The following ELOVL7 variants were observed in gnomAD, a reference collection of about 807,000 sequenced individuals.
The protein encoded by ELOVL7 is very long chain fatty acid elongase 7.
A neutral mutation model predicts 35.7 loss-of-function variants in ELOVL7; 27 were observed. That is an observed-to-expected ratio of 0.76 (90% CI 0.56 to 1.04). The LOEUF (loss-of-function observed/expected upper bound fraction) is 1.04, where lower values mean the gene tolerates loss of function less well. Ranked by LOEUF, ELOVL7 falls within the 50% of genes least tolerant of loss-of-function variation. ELOVL7 has a pLI of 0.00. For synonymous variants in ELOVL7, 113 were observed against 114.6 expected (o/e 0.99, Z 0.09); for missense variants, 327 against 340.8 (o/e 0.96, Z 0.32).
intron 3 of ELOVL7, among the ~76,000 whole-genome samples, chr5:60,773,800 T>C (rs1742742639): frequency 6.6e-6 from 1 of 152,228 alleles, no homozygotes; most frequent in Non-Finnish European, 1.5e-5. Flanking sequence ...TTAAAGACTT[T>C]CCACAAAGAA....
chr5:60,817,702 CACCATATATATACACATATGTATAT>C (rs1745603395), intron 1 of ELOVL7, among the ~76,000 whole-genome samples: 1 of 145,722 alleles, frequency 6.9e-6, no homozygotes, highest in Non-Finnish European at 1.5e-5. Flanking sequence ...TATATACACA[CACCATATATATACACATATGTATAT>C]ACCATATATA....
intron 1 of ELOVL7, among the ~76,000 whole-genome samples, chr5:60,804,788 C>A (rs1744835316): frequency 6.6e-6 from 1 of 152,186 alleles, no homozygotes; most frequent in Admixed American, 6.5e-5. Flanking sequence ...GGCCTTCTTC[C>A]CCACTTTTTT....
In ELOVL7 at chr5:60,751,917, C is replaced by A. The variant is rs1012063484; in HGVS notation, c.*2707G>T. On this transcript the variant is annotated 3_prime_UTR_variant, in exon 9 of 9. Coordinates refer to ENST00000508821, the MANE Select transcript of ELOVL7 (RefSeq NM_024930.3). Reference sequence around the variant, plus strand: ...TAAAGGGTAATGGAAAGAATATAATCTCGTAATTTTATACTTAAGGCTGTA... The same window carrying A: ...TAAAGGGTAATGGAAAGAATATAATATCGTAATTTTATACTTAAGGCTGTA... 6.6e-6 allele frequency: 1 copy of A among 152,054 alleles called. No individual in the cohort carries two copies. Among genetic ancestry groups the A allele is most frequent in the African/African-American group, 2.4e-5 (1 of 41,402 alleles). 9.4% of individuals were successfully genotyped at this position (152,054 alleles called of 1,614,324 possible).
At chr5:60,767,473 T>C (rs1742311861) in intron 5 of ELOVL7, among the ~76,000 whole-genome samples, 2 of 152,212 alleles carry the variant, frequency 1.3e-5, no homozygotes, top group Non-Finnish European at 1.5e-5. Flanking sequence ...GCTGTAAACA[T>C]GAGTATACAA....
At chr5:60,824,774 T>G (rs1746075632) in intron 1 of ELOVL7, among the ~76,000 whole-genome samples, 1 of 152,356 alleles carries the variant, frequency 6.6e-6, no homozygotes, top group East Asian at 1.9e-4. Flanking sequence ...CCCTCTTTAA[T>G]GTCTTCCTCA....
intron 1 of ELOVL7, among the ~76,000 whole-genome samples, chr5:60,818,428 C>T (rs555969048): frequency 4.2e-4 from 64 of 151,902 alleles, no homozygotes; most frequent in African/African-American, 1.5e-3. Context: ...CAAATACTTC[C>T]TTGTATGTGC....
rs371281136 is a variant in ELOVL7 at position 60,779,816 on chromosome 5, T to G, written c.64+7518A>C. 2.2e-4 allele frequency among the ~76,000 whole-genome samples: 34 copies of G among 152,340 alleles called. 1 individual carries two copies. The highest frequency in any genetic ancestry group is 7.9e-4 in the African/African-American group (33 of 41,578). ...TTGTATTTTCTTTTCTATCGCATCA[T>G]CAGGCTGCAAATTTTCCAAACTTTT... On this transcript the variant is annotated intron_variant, in intron 3 of 8. Transcript: ENST00000508821.
chr5:60,803,116 C>G (rs1744739872), intron 1 of ELOVL7, among the ~76,000 whole-genome samples: 1 of 152,162 alleles, frequency 6.6e-6, no homozygotes, highest in Admixed American at 6.5e-5. Context: ...CCCAGAATTG[C>G]ATCACATGCC....
At chr5:60,814,803 T>C (rs540370524) in intron 1 of ELOVL7, among the ~76,000 whole-genome samples, 44 of 152,290 alleles carry the variant, frequency 2.9e-4, no homozygotes, top group Non-Finnish European at 5.1e-4. Context: ...AACAAGATGG[T>C]GAAATGAATT....
intron 3 of ELOVL7, among the ~76,000 whole-genome samples, chr5:60,777,101 T>G (rs1579810156): frequency 8.1e-6 from 1 of 123,484 alleles, no homozygotes. Flanking sequence ...CTAGGAAGGG[T>G]ACTAGGGGGG....
intron 1 of ELOVL7, among the ~76,000 whole-genome samples, chr5:60,800,981 G>T (rs1744575699): frequency 6.6e-6 from 1 of 152,188 alleles, no homozygotes; most frequent in Admixed American, 6.5e-5. Flanking sequence ...AGGCTAGAGT[G>T]CAGTGGCATG....
chr5:60,770,452 ACTAACTAGTTCCTAATCTCCT>A (rs1177545121), intron 4 of ELOVL7, among the ~76,000 whole-genome samples: 50 of 152,312 alleles, frequency 3.3e-4, no homozygotes, highest in Admixed American at 3.1e-3. Context: ...CAGAAGCAGA[ACTAACTAGTTCCTAATCTCCT>A]GGCTTCCAGG....
intron 1 of ELOVL7, among the ~76,000 whole-genome samples, chr5:60,833,036 C>T (rs765410387): frequency 6.6e-6 from 1 of 152,090 alleles, no homozygotes; most frequent in Non-Finnish European, 1.5e-5. Context: ...CTCGCCCTGC[C>T]GTATTCTACA....
chr5:60,797,798 A>G (rs1264120033), intron 2 of ELOVL7, among the ~76,000 whole-genome samples: 2 of 152,220 alleles, frequency 1.3e-5, no homozygotes, highest in African/African-American at 4.8e-5. Flanking sequence ...GGAAAGGAAA[A>G]TATCTTGGGC....
At chr5:60,835,934 A>T (rs894843028) in intron 1 of ELOVL7, among the ~76,000 whole-genome samples, 1 of 152,062 alleles carries the variant, frequency 6.6e-6, no homozygotes. Context: ...ATAACCCAGC[A>T]GTTGGAGAAG....
intron 1 of ELOVL7, among the ~76,000 whole-genome samples, chr5:60,804,553 A>T (rs1178953364): frequency 6.6e-6 from 1 of 152,204 alleles, no homozygotes; most frequent in African/African-American, 2.4e-5. Context: ...TGTACAGATG[A>T]TAGTGACCAC....
At chr5:60,805,527 A>G (rs1461768627) in intron 1 of ELOVL7, among the ~76,000 whole-genome samples, 1 of 152,196 alleles carries the variant, frequency 6.6e-6, no homozygotes, top group Non-Finnish European at 1.5e-5. Flanking sequence ...GTCTTAATCA[A>G]TGTGGTGCTT....
intron 1 of ELOVL7, among the ~76,000 whole-genome samples, chr5:60,838,688 A>G (rs1236101720): frequency 6.6e-6 from 1 of 152,154 alleles, no homozygotes; most frequent in Non-Finnish European, 1.5e-5. Context: ...GGAATTTGTA[A>G]GCTATGTGGA....
chr5:60,781,000 A>T (rs1743216571), intron 3 of ELOVL7, among the ~76,000 whole-genome samples: 1 of 152,216 alleles, frequency 6.6e-6, no homozygotes, highest in Non-Finnish European at 1.5e-5. Flanking sequence ...GCTTGAGGTC[A>T]GGAGTTTGAG....
Sources: gnomAD v4.1 joint callset for allele counts (sites outside exome capture counted in the v4.1 genomes callset) on GRCh38, gnomAD v4.1.1 for gene constraint, MANE v1.5 for transcripts, NCBI Gene and HGNC (gene_info 2026-07-23, HGNC 2026-07-21) for gene names.